The following DLG2 variants were observed in gnomAD, a reference collection of about 807,000 sequenced individuals.
DLG2 encodes the protein discs large MAGUK scaffold protein 2.
In DLG2, 45 loss-of-function variants were observed where a neutral mutation model predicts 132.5. The observed-to-expected ratio is 0.34, with a 90% CI of 0.27 to 0.44. The LOEUF (loss-of-function observed/expected upper bound fraction) is 0.44, where lower values mean the gene tolerates loss of function less well. DLG2 is among the 20% of genes least tolerant of loss of function. The pLI, the probability that DLG2 is intolerant of heterozygous loss-of-function variation, is 1.00. For missense variants in DLG2, 1,045 were observed against 1,196.9 expected, an observed-to-expected ratio of 0.87 and a Z score of 1.87; for synonymous variants, 424 against 419.6, an observed-to-expected ratio of 1.01 and a Z score of -0.13.
intron 6 of DLG2, among the ~76,000 whole-genome samples, chr11:84,643,578 T>C (rs2099670802): frequency 6.6e-6 from 1 of 152,226 alleles, no homozygotes; most frequent in Non-Finnish European, 1.5e-5. Flanking sequence ...TCTGGAAGGA[T>C]GGTTCTCTTA....
intron 6 of DLG2, among the ~76,000 whole-genome samples, chr11:84,883,964 C>T (rs1646372430): frequency 6.6e-6 from 1 of 151,996 alleles, no homozygotes; most frequent in African/African-American, 2.4e-5. Flanking sequence ...ACTTCTTGTG[C>T]CAAAACACTA....
At chr11:83,582,683 T>A (rs1455878202) in intron 19 of DLG2, among the ~76,000 whole-genome samples, 1 of 152,220 alleles carries the variant, frequency 6.6e-6, no homozygotes, top group Non-Finnish European at 1.5e-5. Context: ...TAGATAAGAT[T>A]CTGATTTTCA....
chr11:84,043,239 T>C (rs2096144373), intron 11 of DLG2, among the ~76,000 whole-genome samples: 1 of 151,666 alleles, frequency 6.6e-6, no homozygotes, highest in Non-Finnish European at 1.5e-5. Context: ...AAATAATTTT[T>C]AAATTATTTC....
chr11:83,582,457 C>T (rs1251318243), intron 19 of DLG2, among the ~76,000 whole-genome samples: 1 of 152,162 alleles, frequency 6.6e-6, no homozygotes, highest in African/African-American at 2.4e-5. Context: ...GATCATGTCC[C>T]AGGCATAGTG....
At chr11:84,285,234 C>T (rs1028834850) in intron 7 of DLG2, among the ~76,000 whole-genome samples, 4 of 152,100 alleles carry the variant, frequency 2.6e-5, no homozygotes, top group Non-Finnish European at 4.4e-5. Context: ...CTCAAATCTG[C>T]TTCTCTTTCA....
chr11:85,090,737 A>G (rs1028474730), intron 6 of DLG2, among the ~76,000 whole-genome samples: 2 of 152,214 alleles, frequency 1.3e-5, no homozygotes, highest in African/African-American at 4.8e-5. Flanking sequence ...CAATAAAGCA[A>G]TTATCACCAA....
At chr11:84,366,256 C>A (rs1426498740) in intron 7 of DLG2, among the ~76,000 whole-genome samples, 3 of 151,924 alleles carry the variant, frequency 2.0e-5, no homozygotes, top group African/African-American at 7.3e-5. Flanking sequence ...TACGGACAAG[C>A]AAATGCTGAG....
At chr11:84,782,057 T>G (rs1176832178) in intron 6 of DLG2, among the ~76,000 whole-genome samples, 1 of 152,050 alleles carries the variant, frequency 6.6e-6, no homozygotes, top group Non-Finnish European at 1.5e-5. Flanking sequence ...CACTTGACAA[T>G]ATCAGTATGA....
intron 6 of DLG2, among the ~76,000 whole-genome samples, chr11:85,088,270 G>T (rs943345568): frequency 6.6e-6 from 1 of 152,116 alleles, no homozygotes; most frequent in Non-Finnish European, 1.5e-5. Context: ...CAATGGGAAA[G>T]GTCTTTCCCA....
At chr11:83,820,913 A>T (rs959594521) in intron 17 of DLG2, among the ~76,000 whole-genome samples, 4 of 152,218 alleles carry the variant, frequency 2.6e-5, no homozygotes, top group South Asian at 2.1e-4. Context: ...AGGTTGGCTC[A>T]TAGATGTCAC....
At chr11:83,615,658 G>C (rs2060691306) in intron 19 of DLG2, among the ~76,000 whole-genome samples, 1 of 152,210 alleles carries the variant, frequency 6.6e-6, no homozygotes. Context: ...GTGGGTCAGA[G>C]AGATACGCCA....
chr11:83,612,487 T>G (rs75855489), intron 19 of DLG2, among the ~76,000 whole-genome samples: 2,717 of 152,284 alleles, frequency 0.018, 97 homozygotes, highest in African/African-American at 0.062. Context: ...GATAAGTGAC[T>G]TGTGCAAGAT....
At chr11:85,498,628 T>A (rs2093723629) in intron 3 of DLG2, among the ~76,000 whole-genome samples, 1 of 152,160 alleles carries the variant, frequency 6.6e-6, no homozygotes, top group African/African-American at 2.4e-5. Flanking sequence ...AGAATATACA[T>A]TCTTCTCAGC....
At chr11:83,829,031 G>A (rs1219569275) in intron 17 of DLG2, among the ~76,000 whole-genome samples, 2 of 152,024 alleles carry the variant, frequency 1.3e-5, no homozygotes, top group Non-Finnish European at 2.9e-5. Flanking sequence ...TGTCTATTAT[G>A]CAAGTCTCTT....
At position 85,090,683 on chromosome 11, in the gene DLG2, T is replaced by TG. The variant is rs557992752; in HGVS notation, c.357+20977_357+20978insC. Among the ~76,000 whole-genome samples the TG allele has an allele frequency of 1.2e-3, 181 of 152,346 alleles. 2 individuals carry two copies. The Middle Eastern group carries it at 0.02, about 17-fold the overall frequency. On this transcript the variant is annotated intron_variant, in intron 6 of 27. Coordinates refer to ENST00000376104, the MANE Select transcript of DLG2 (RefSeq NM_001142699.3). ...AAGCTTGTATTAGTCTACACATATA[T>TG]AGGCATACCTCAGAGATACTTCAGG...
intron 8 of DLG2, among the ~76,000 whole-genome samples, chr11:84,234,136 G>T (rs2097129229): frequency 6.6e-6 from 1 of 152,178 alleles, no homozygotes; most frequent in African/African-American, 2.4e-5. Flanking sequence ...CATGTGGACA[G>T]CCCACCCCGA....
At chr11:84,975,750 T>A (rs1422911202) in intron 6 of DLG2, among the ~76,000 whole-genome samples, 22 of 152,204 alleles carry the variant, frequency 1.4e-4, no homozygotes, top group Admixed American at 1.4e-3. Flanking sequence ...TCTGAAAATA[T>A]ACAAAGTTTC....
intron 6 of DLG2, among the ~76,000 whole-genome samples, chr11:84,735,061 TG>T (rs987642003): frequency 4.6e-5 from 7 of 152,150 alleles, no homozygotes; most frequent in African/African-American, 1.7e-4. Context: ...TCAGGATTTT[TG>T]CATCAATGTT....
At chr11:83,777,084 C>A (rs2094610685) in intron 18 of DLG2, among the ~76,000 whole-genome samples, 1 of 152,094 alleles carries the variant, frequency 6.6e-6, no homozygotes, top group Non-Finnish European at 1.5e-5. Context: ...TGCAAGGCAG[C>A]ATGTCACTCA....
Sources: gnomAD v4.1 joint callset for allele counts (sites outside exome capture counted in the v4.1 genomes callset) on GRCh38, gnomAD v4.1.1 for gene constraint, MANE v1.5 for transcripts, NCBI Gene and HGNC (gene_info 2026-07-23, HGNC 2026-07-21) for gene names.